Variants in PHF20L1 observed in about 807,000 individuals in gnomAD.
The protein encoded by PHF20L1 is PHD finger protein 20-like protein 1.
In PHF20L1, 44 loss-of-function variants were observed where a neutral mutation model predicts 125.5. That is an observed-to-expected ratio of 0.35 (90% CI 0.28 to 0.45). The LOEUF (loss-of-function observed/expected upper bound fraction) is 0.45. PHF20L1 is among the 20% of genes least tolerant of loss of function. PHF20L1 has a pLI of 1.00. For synonymous variants in PHF20L1, 380 were observed against 403.1 expected (o/e 0.94, Z 0.69); for missense variants, 1,012 against 1,217.2 (o/e 0.83, Z 2.51).
At chr8:132,786,523 A>G (rs1831048639) in intron 2 of PHF20L1, among the ~76,000 whole-genome samples, 1 of 152,142 alleles carries the variant, frequency 6.6e-6, no homozygotes, top group Non-Finnish European at 1.5e-5. Context: ...TTTTTAATAC[A>G]TCTTTGGTAA....
intron 2 of PHF20L1, among the ~76,000 whole-genome samples, chr8:132,791,442 C>T (rs776795975): frequency 3.4e-4 from 51 of 151,888 alleles, no homozygotes; most frequent in Non-Finnish European, 5.0e-4. Flanking sequence ...TACTAGAGAC[C>T]GGGTTTCTCC....
intron 6 of PHF20L1, among the ~76,000 whole-genome samples, chr8:132,800,769 C>T (rs758960051): frequency 1.2e-4 from 18 of 151,642 alleles, no homozygotes; most frequent in Middle Eastern, 6.8e-3. Flanking sequence ...ACTGGATAAA[C>T]TTCTGCTTGC....
intron 14 of PHF20L1, among the ~76,000 whole-genome samples, chr8:132,828,329 TGA>T (rs1192420218): frequency 2.6e-5 from 4 of 151,994 alleles, no homozygotes; most frequent in Admixed American, 6.6e-5. Context: ...AACAGTTAAC[TGA>T]GAGAGAGTGA....
intron 18 of PHF20L1, 23 bp downstream of exon 18, chr8:132,839,605 AG>A (rs1563853881): frequency 6.4e-7 from 1 of 1,566,912 alleles, no homozygotes; most frequent in African/African-American, 1.3e-5. Context: ...CAGCAAAGGG[AG>A]GGTCACACTT....
chr8:132,831,704 A>G (rs960101847), intron 14 of PHF20L1, among the ~76,000 whole-genome samples: 2 of 151,936 alleles, frequency 1.3e-5, no homozygotes, highest in East Asian at 1.9e-4. Context: ...CACCAACCGA[A>G]TAAGTTCTGG....
intron 16 of PHF20L1, 139 bp downstream of exon 16, chr8:132,836,860 G>T: frequency 1.6e-6 from 1 of 628,626 alleles, no homozygotes. Context: ...AATACCCATA[G>T]TAATGATTAG....
chr8:132,803,089 C>G (rs1420463457), intron 6 of PHF20L1, among the ~76,000 whole-genome samples: 2 of 151,590 alleles, frequency 1.3e-5, no homozygotes, highest in Admixed American at 1.3e-4. Flanking sequence ...TAGCAACAAA[C>G]TAAATTAACA....
chr8:132,813,177 T>C (rs769861527), intron 9 of PHF20L1: 43 of 937,256 alleles, frequency 4.6e-5, no homozygotes, highest in Non-Finnish European at 5.3e-5. Flanking sequence ...AACAATAAAA[T>C]TGTTTATTTA....
At chr8:132,843,648 T>C in intron 19 of PHF20L1, 12 of 980,828 alleles carry the variant, frequency 1.2e-5, no homozygotes, top group Non-Finnish European at 1.4e-5. Context: ...TGAAGCAGTT[T>C]GTACTTTTGA....
At chr8:132,827,552 C>T (rs568869333) in intron 14 of PHF20L1, among the ~76,000 whole-genome samples, 88 of 151,912 alleles carry the variant, frequency 5.8e-4, no homozygotes, top group Non-Finnish European at 1.0e-3. Flanking sequence ...AAGATAACAG[C>T]AGCTGATACA....
chr8:132,780,216 G>A (rs1314002542), intron 2 of PHF20L1, among the ~76,000 whole-genome samples: 3 of 152,078 alleles, frequency 2.0e-5, no homozygotes, highest in Non-Finnish European at 4.4e-5. Context: ...CTTAAATTTA[G>A]TATTAGGTGG....
chr8:132,833,421 T>G (rs1305792874), intron 15 of PHF20L1, among the ~76,000 whole-genome samples: 2 of 152,098 alleles, frequency 1.3e-5, no homozygotes, highest in Non-Finnish European at 2.9e-5. Context: ...CCACCACCCT[T>G]TTCCAGCAAA....
At chr8:132,805,307 T>C (rs571430273) in intron 8 of PHF20L1, among the ~76,000 whole-genome samples, 74 of 152,008 alleles carry the variant, frequency 4.9e-4, no homozygotes, top group African/African-American at 1.6e-3. Context: ...TGATTTCTTA[T>C]AGTTTAGTTT....
chr8:132,811,106 A>C lies in PHF20L1; in HGVS notation c.908A>C (p.Glu303Ala), dbSNP rs1422910539. 1.2e-6 allele frequency: 2 copies of C among 1,612,972 alleles called. No homozygotes were observed. Among genetic ancestry groups the C allele is most frequent in the Non-Finnish European group, 1.7e-6 (2 of 1,179,122 alleles). Reference sequence around the variant, plus strand: ...GCTGAAAAAAAGGAAGACTACAATGAAACAGCTCCAATGCTGGAGCAGGTA... The same window carrying C: ...GCTGAAAAAAAGGAAGACTACAATGCAACAGCTCCAATGCTGGAGCAGGTA... ...DGAEKKEDYNETAPMLEQAIS... is the reference protein window; with the variant it reads ...DGAEKKEDYNATAPMLEQAIS... Residue 303 changes from glutamate (E) to alanine (A), a missense_variant, in exon 9 of 21, where the codon GAA becomes GCA. This residue lies in a region of PHF20L1 where 119 missense variants were observed against 160.2 expected (regional missense o/e 0.74). Coordinates refer to ENST00000395386, the MANE Select transcript of PHF20L1 (RefSeq NM_016018.5).
chr8:132,810,525 A>G (rs1398818197), intron 8 of PHF20L1: 1 of 152,568 alleles, frequency 6.6e-6, no homozygotes, highest in South Asian at 2.1e-4. Flanking sequence ...TTAAACTCTT[A>G]TAAGAAGGTA....
At chr8:132,844,974 C>T (rs777285341) in intron 20 of PHF20L1, among the ~76,000 whole-genome samples, 3 of 151,872 alleles carry the variant, frequency 2.0e-5, no homozygotes, top group African/African-American at 4.8e-5. Flanking sequence ...GGCATAAGCA[C>T]GTGATACCTC....
At chr8:132,822,799 T>G (rs1835745751) in intron 12 of PHF20L1, among the ~76,000 whole-genome samples, 1 of 151,962 alleles carries the variant, frequency 6.6e-6, no homozygotes, top group African/African-American at 2.4e-5. Context: ...TATATTTTTA[T>G]TATATTTAAA....
intron 8 of PHF20L1, among the ~76,000 whole-genome samples, chr8:132,805,063 T>TA (rs1425950608): frequency 1.3e-5 from 2 of 151,944 alleles, no homozygotes; most frequent in African/African-American, 4.8e-5. Flanking sequence ...TTTGTCAACT[T>TA]ACGGTGACAC....
intron 6 of PHF20L1, among the ~76,000 whole-genome samples, chr8:132,802,841 ATGT>A (rs1321336012): frequency 2.6e-5 from 4 of 151,806 alleles, no homozygotes; most frequent in South Asian, 2.1e-4. Context: ...AATTCATTTG[ATGT>A]TGTGAAATTT....
Sources: allele counts gnomAD v4.1 joint callset (sites outside exome capture counted in the v4.1 genomes callset), GRCh38; gene constraint gnomAD v4.1.1; regional missense constraint gnomAD v4.1.1; transcripts MANE v1.5; gene names NCBI Gene and HGNC (gene_info 2026-07-23, HGNC 2026-07-21).